RBFOX1: variants seen among roughly 807,000 people sequenced by gnomAD.
RBFOX1 encodes RNA binding fox-1 homolog 1, also known as RNA binding protein fox-1 homolog 1.
In RBFOX1, 8 loss-of-function variants were observed where a neutral mutation model predicts 57.7. The observed-to-expected ratio is 0.14, with a 90% CI of 0.08 to 0.25. The LOEUF (loss-of-function observed/expected upper bound fraction) is 0.25, where lower values mean the gene tolerates loss of function less well. RBFOX1 is among the 10% of genes least tolerant of loss of function. RBFOX1 has a pLI of 1.00. For missense variants in RBFOX1, 611 were observed against 548.5 expected, an observed-to-expected ratio of 1.11 and a Z score of -1.14; for synonymous variants, 326 against 222.4, an observed-to-expected ratio of 1.47 and a Z score of -4.15.
At chr16:5,416,493 A>G (rs2067162892) in intron 1 of RBFOX1, among the ~76,000 whole-genome samples, 2 of 152,084 alleles carry the variant, frequency 1.3e-5, no homozygotes, top group Admixed American at 1.3e-4. Flanking sequence ...CTTTTTCCAT[A>G]CTGGGCTAGA....
At chr16:6,716,019 A>G (rs558916382) in intron 3 of RBFOX1, among the ~76,000 whole-genome samples, 2 of 74,254 alleles carry the variant, frequency 2.7e-5, no homozygotes, top group East Asian at 3.2e-4. Flanking sequence ...CACAGCCTAC[A>G]TAAAGAAGCC....
chr16:6,455,180 G>A (rs1015819578), intron 2 of RBFOX1, among the ~76,000 whole-genome samples: 2 of 151,828 alleles, frequency 1.3e-5, no homozygotes, highest in Admixed American at 6.6e-5. Flanking sequence ...GGCGTGAGCC[G>A]CCACGCCTGG....
intron 1 of RBFOX1, among the ~76,000 whole-genome samples, chr16:6,295,818 C>G (rs368390432): frequency 6.6e-6 from 1 of 152,092 alleles, no homozygotes; most frequent in Non-Finnish European, 1.5e-5. Context: ...CTCCAGAGAG[C>G]GCCGGGAGCG....
intron 4 of RBFOX1, among the ~76,000 whole-genome samples, chr16:7,409,716 GT>G (rs2098403617): frequency 6.6e-6 from 1 of 152,132 alleles, no homozygotes; most frequent in African/African-American, 2.4e-5. Flanking sequence ...CCTTGATTTC[GT>G]TGGAAGTTAG....
chr16:6,682,074 C>T (rs1270821458), intron 3 of RBFOX1, among the ~76,000 whole-genome samples: 1 of 152,100 alleles, frequency 6.6e-6, no homozygotes, highest in Non-Finnish European at 1.5e-5. Flanking sequence ...TTGTTTTGCC[C>T]AATAGAACAA....
At chr16:5,944,155 A>T (rs1159663489) in intron 4 of RBFOX1, among the ~76,000 whole-genome samples, 1 of 152,238 alleles carries the variant, frequency 6.6e-6, no homozygotes, top group African/African-American at 2.4e-5. Flanking sequence ...AATGTACAAG[A>T]TGGCCATTGA....
chr16:7,500,325 T>C (rs1163108912), intron 4 of RBFOX1, among the ~76,000 whole-genome samples: 1 of 152,224 alleles, frequency 6.6e-6, no homozygotes. Context: ...AGTAGGAACT[T>C]CAATACTGTG....
chr16:5,963,839 G>C (rs969293073), intron 4 of RBFOX1, among the ~76,000 whole-genome samples: 2 of 152,122 alleles, frequency 1.3e-5, no homozygotes, highest in Non-Finnish European at 2.9e-5. Context: ...CCTTGACATT[G>C]GTCTTAGCAG....
At chr16:5,538,233 C>T (rs1039775069) in intron 2 of RBFOX1, among the ~76,000 whole-genome samples, 1 of 152,212 alleles carries the variant, frequency 6.6e-6, no homozygotes, top group African/African-American at 2.4e-5. Flanking sequence ...ATTCAAATGA[C>T]ACCTCTTACA....
intron 2 of RBFOX1, among the ~76,000 whole-genome samples, chr16:5,583,944 C>T (rs373094904): frequency 2.7e-4 from 41 of 152,166 alleles, no homozygotes; most frequent in Non-Finnish European, 4.6e-4. Flanking sequence ...GACTTCTCTC[C>T]GGGAATGGCC....
chr16:7,225,900 T>TA (rs2093071198), intron 4 of RBFOX1, among the ~76,000 whole-genome samples: 2 of 24,580 alleles, frequency 8.1e-5, no homozygotes, highest in Non-Finnish European at 1.2e-4. Flanking sequence ...ACTTAAAGTA[T>TA]AATAAATATA....
chr16:6,701,824 A>G (rs4786914), intron 3 of RBFOX1, among the ~76,000 whole-genome samples: 78,066 of 152,028 alleles, frequency 0.51, 22,770 homozygotes, highest in Non-Finnish European at 0.64. Context: ...ACTGGAGTCC[A>G]GTATTCTAAG....
chr16:6,104,955 C>G (rs922393573), intron 1 of RBFOX1, among the ~76,000 whole-genome samples: 1 of 152,172 alleles, frequency 6.6e-6, no homozygotes, highest in African/African-American at 2.4e-5. Flanking sequence ...TTCTAGGAGC[C>G]TGAACTACTC....
chr16:6,278,318 A>C (rs1052853795), intron 1 of RBFOX1, among the ~76,000 whole-genome samples: 1 of 133,952 alleles, frequency 7.5e-6, no homozygotes, highest in African/African-American at 2.8e-5. Context: ...TTGCCCTGCA[A>C]GGTTCCTTCA....
intron 3 of RBFOX1, among the ~76,000 whole-genome samples, chr16:6,993,914 A>C (rs890882792): frequency 6.6e-6 from 1 of 152,174 alleles, no homozygotes; most frequent in African/African-American, 2.4e-5. Context: ...TATTGTATTG[A>C]TTGTAGCCAA....
At chr16:6,870,037 C>G (rs1334462900) in intron 3 of RBFOX1, among the ~76,000 whole-genome samples, 1 of 152,138 alleles carries the variant, frequency 6.6e-6, no homozygotes, top group Non-Finnish European at 1.5e-5. Context: ...TATCTCTCAG[C>G]TGGCCCTACG....
intron 2 of RBFOX1, among the ~76,000 whole-genome samples, chr16:6,651,148 C>T (rs555726410): frequency 9.9e-5 from 15 of 152,258 alleles, no homozygotes; most frequent in South Asian, 4.1e-4. Flanking sequence ...GTGATCCACC[C>T]GCCTCAGTCT....
intron 2 of RBFOX1, among the ~76,000 whole-genome samples, chr16:6,488,405 T>C (rs1314030430): frequency 6.6e-6 from 1 of 152,158 alleles, no homozygotes; most frequent in Non-Finnish European, 1.5e-5. Context: ...GCAGTAACAA[T>C]ACAATGCCGA....
intron 2 of RBFOX1, among the ~76,000 whole-genome samples, chr16:6,600,264 G>C (rs1023257013): frequency 1.3e-5 from 2 of 151,750 alleles, no homozygotes; most frequent in African/African-American, 4.9e-5. Flanking sequence ...CGGGGCTTTT[G>C]TTCTCAGTCC....
Sources: gnomAD v4.1 joint callset for allele counts (sites outside exome capture counted in the v4.1 genomes callset) on GRCh38, gnomAD v4.1.1 for gene constraint, MANE v1.5 for transcripts, NCBI Gene and HGNC (gene_info 2026-07-23, HGNC 2026-07-21) for gene names.